The following TENM3 variants were observed in gnomAD, a reference collection of about 807,000 sequenced individuals.
TENM3 encodes teneurin transmembrane protein 3, also known as teneurin-3.
TENM3 carries 63 observed loss-of-function variants against 255.1 expected under a neutral mutation model. The ratio of observed to expected loss-of-function variants is 0.25; its 90% confidence interval spans 0.20 to 0.30. The LOEUF is 0.30. Ranked by LOEUF, TENM3 falls within the 10% of genes least tolerant of loss-of-function variation. The pLI, the probability that TENM3 is intolerant of heterozygous loss-of-function variation, is 1.00. For synonymous variants in TENM3, 1,306 were observed against 1,322.3 expected, an observed-to-expected ratio of 0.99 and a Z score of 0.27; for missense variants, 2,929 against 3,461.1, an observed-to-expected ratio of 0.85 and a Z score of 3.86.
At chr4:182,345,611 A>C (rs1431198435) in intron 2 of TENM3, among the ~76,000 whole-genome samples, 1 of 152,190 alleles carries the variant, frequency 6.6e-6, no homozygotes, top group Non-Finnish European at 1.5e-5. Context: ...GAAAAGCTTT[A>C]TGTATGCATG....
the TENM3 span, among the ~76,000 whole-genome samples, chr4:181,951,837 T>C: frequency 6.6e-6 from 1 of 152,222 alleles, no homozygotes; most frequent in Non-Finnish European, 1.5e-5. Context: ...ACAACAATTA[T>C]GATTTTAGTA....
At chr4:182,676,279 G>GCCT (rs2152559711) in intron 7 of TENM3, among the ~76,000 whole-genome samples, 1 of 152,312 alleles carries the variant, frequency 6.6e-6, no homozygotes, top group African/African-American at 2.4e-5. Context: ...TCAGTTAGTG[G>GCCT]CCTCAGGAGT....
the TENM3 span, among the ~76,000 whole-genome samples, chr4:181,475,376 G>A: frequency 6.6e-6 from 1 of 152,156 alleles, no homozygotes; most frequent in Non-Finnish European, 1.5e-5. Context: ...TTGAGCAATT[G>A]CTGTTGCATA....
chr4:182,507,181 A>C (rs977862197), intron 3 of TENM3, among the ~76,000 whole-genome samples: 1 of 152,218 alleles, frequency 6.6e-6, no homozygotes. Context: ...AGATGAAGTA[A>C]AAGAAGCCCG....
At chr4:182,014,037 T>C in the TENM3 span, among the ~76,000 whole-genome samples, 19 of 48,862 alleles carry the variant, frequency 3.9e-4, no homozygotes, top group Admixed American at 5.8e-4. Flanking sequence ...TATATACACA[T>C]ATATACGTAT....
At chr4:181,546,629 G>T in the TENM3 span, among the ~76,000 whole-genome samples, 1 of 141,466 alleles carries the variant, frequency 7.1e-6, no homozygotes, top group Non-Finnish European at 1.5e-5. Flanking sequence ...CAGGAGAATG[G>T]CGTGAACCCG....
At chr4:182,651,391 C>T (rs574834084) in intron 5 of TENM3, among the ~76,000 whole-genome samples, 6 of 152,024 alleles carry the variant, frequency 3.9e-5, no homozygotes, top group African/African-American at 7.2e-5. Flanking sequence ...TATCTTAATC[C>T]GTGAAAATCA....
chr4:181,594,954 AG>A, the TENM3 span, among the ~76,000 whole-genome samples: 629 of 152,292 alleles, frequency 4.1e-3, 8 homozygotes, highest in African/African-American at 0.014. Context: ...TGTTTATGGT[AG>A]AATTTCACAG....
At chr4:182,687,296 AC>A (rs1378666050) in intron 11 of TENM3, among the ~76,000 whole-genome samples, 1 of 152,172 alleles carries the variant, frequency 6.6e-6, no homozygotes, top group Non-Finnish European at 1.5e-5. Flanking sequence ...AAATGAAATA[AC>A]CTTCAAAGTT....
chr4:181,936,053 G>A, the TENM3 span, among the ~76,000 whole-genome samples: 4 of 152,008 alleles, frequency 2.6e-5, no homozygotes, highest in South Asian at 2.1e-4. Context: ...TATTTATTAC[G>A]GGATTAATGA....
chr4:182,438,898 T>A (rs1022545817), intron 3 of TENM3, among the ~76,000 whole-genome samples: 1 of 152,198 alleles, frequency 6.6e-6, no homozygotes, highest in African/African-American at 2.4e-5. Flanking sequence ...TGGCCAAAAA[T>A]AACATAGTTC....
the TENM3 span, among the ~76,000 whole-genome samples, chr4:181,497,415 T>C: frequency 0.25 from 38,528 of 152,080 alleles, 5,093 homozygotes; most frequent in Middle Eastern, 0.33. Flanking sequence ...TTATTTTTGT[T>C]CCAGTGGTAA....
the TENM3 span, among the ~76,000 whole-genome samples, chr4:181,894,094 A>C: frequency 6.6e-6 from 1 of 152,176 alleles, no homozygotes; most frequent in Non-Finnish European, 1.5e-5. Context: ...AAACACCTGC[A>C]AAGAGAATGT....
chr4:182,118,653 G>C, the TENM3 span, among the ~76,000 whole-genome samples: 2 of 151,914 alleles, frequency 1.3e-5, no homozygotes, highest in African/African-American at 4.8e-5. Context: ...AGTTTACTGA[G>C]AGGTTTTCAT....
the TENM3 span, among the ~76,000 whole-genome samples, chr4:181,468,768 G>T: frequency 6.6e-6 from 1 of 152,134 alleles, no homozygotes; most frequent in African/African-American, 2.4e-5. Context: ...TCAGCTTTTT[G>T]TAAGTGTTTT....
intron 3 of TENM3, among the ~76,000 whole-genome samples, chr4:182,516,345 G>GT (rs1434987130): frequency 1.3e-5 from 2 of 152,134 alleles, no homozygotes; most frequent in Non-Finnish European, 1.5e-5. Context: ...ATGTATAAAC[G>GT]TAAGTTGGTA....
Position 182,793,455 on chromosome 4 carries a change from T to G in TENM3, c.6783T>G (p.His2261Gln). Residue 2261 changes from histidine to glutamine, a missense_variant, in exon 26 of 28, where the codon CAT (histidine) becomes CAG (glutamine). By Grantham distance (24) the His-to-Gln change is conservative. This residue lies in a region of TENM3 where 256 missense variants were observed against 389.3 expected (regional missense o/e 0.66). Coordinates refer to ENST00000511685, the MANE Select transcript of TENM3 (RefSeq NM_001080477.4). The surrounding 1 kb of genome is among the most constrained non-coding windows in gnomAD (Gnocchi z 5.7). ...ADLTYPTRITHVYNHSSSEIT... is the reference protein window; with the variant it reads ...ADLTYPTRITQVYNHSSSEIT... ...TAACTTATCCCACTAGGATTACTCA[T>G]GTCTACAACCATTCGAGTTCAGAAA... The G allele has an allele frequency of 6.2e-7, 1 of 1,613,980 alleles. No individual in the cohort carries two copies. The highest frequency in any genetic ancestry group is 8.5e-7 in the Non-Finnish European group (1 of 1,179,882).
At chr4:181,616,369 G>T in the TENM3 span, among the ~76,000 whole-genome samples, 1 of 131,560 alleles carries the variant, frequency 7.6e-6, no homozygotes, top group African/African-American at 2.8e-5. Flanking sequence ...ATATCAATAG[G>T]ATATATATAT....
the TENM3 span, among the ~76,000 whole-genome samples, chr4:182,007,767 T>C: frequency 2.0e-5 from 3 of 152,242 alleles, no homozygotes; most frequent in South Asian, 2.1e-4. Context: ...CCTGTCATCG[T>C]GACGCTATTT....
Sources: gnomAD v4.1 joint callset for allele counts (sites outside exome capture counted in the v4.1 genomes callset) on GRCh38, gnomAD v4.1.1 for gene constraint, gnomAD v4.1.1 regional missense constraint, Gnocchi (gnomAD v3.1) non-coding constraint, MANE v1.5 for transcripts, NCBI Gene and HGNC (gene_info 2026-07-23, HGNC 2026-07-21) for gene names.